FIRRM: variants seen among roughly 807,000 people sequenced by gnomAD.
FIRRM encodes the protein FIGNL1 interacting regulator of recombination and mitosis.
the FIRRM span, chr1:169,849,410 G>C: frequency 1.1e-6 from 1 of 916,554 alleles, no homozygotes; most frequent in Non-Finnish European, 1.7e-6. Context: ...ATGTTAACTT[G>C]ACAACACTGG....
chr1:169,839,396 AT>A, the FIRRM span, among the ~76,000 whole-genome samples: 11 of 152,264 alleles, frequency 7.2e-5, no homozygotes, highest in East Asian at 2.1e-3. Flanking sequence ...GTATATAAGC[AT>A]TTACTTTCTC....
the FIRRM span, among the ~76,000 whole-genome samples, chr1:169,786,256 C>A: frequency 6.6e-6 from 1 of 152,080 alleles, no homozygotes; most frequent in South Asian, 2.1e-4. Flanking sequence ...ATATTCAAAA[C>A]GTCTGACCAC....
the FIRRM span, chr1:169,842,429 T>C: frequency 1.2e-6 from 2 of 1,613,822 alleles, no homozygotes; most frequent in African/African-American, 2.7e-5. Context: ...CACAGTACTG[T>C]CTGCTTTGCT....
chr1:169,825,474 C>G, the FIRRM span, among the ~76,000 whole-genome samples: 1 of 152,134 alleles, frequency 6.6e-6, no homozygotes, highest in South Asian at 2.1e-4. Flanking sequence ...ATCACCCACT[C>G]GTGGAACAGT....
At chr1:169,802,779 A>C in the FIRRM span, 80 of 1,028,812 alleles carry the variant, frequency 7.8e-5, 1 homozygote, top group South Asian at 6.8e-4. Context: ...AGAATGTCAA[A>C]ATTTTTATAC....
chr1:169,842,569 C>CA, the FIRRM span: 4 of 1,596,042 alleles, frequency 2.5e-6, no homozygotes, highest in Non-Finnish European at 2.6e-6. Flanking sequence ...CTTTCCTTAT[C>CA]AAAAAATAGA....
chr1:169,834,550 C>T, the FIRRM span, among the ~76,000 whole-genome samples: 1 of 152,056 alleles, frequency 6.6e-6, no homozygotes, highest in South Asian at 2.1e-4. Context: ...GAGACTGTAA[C>T]AGGCCAGGCA....
the FIRRM span, among the ~76,000 whole-genome samples, chr1:169,789,948 A>G: frequency 6.6e-6 from 1 of 152,178 alleles, no homozygotes; most frequent in Admixed American, 6.5e-5. Flanking sequence ...TCTTCAAGGA[A>G]CTCTGCTAGG....
At chr1:169,834,841 A>T in the FIRRM span, among the ~76,000 whole-genome samples, 1 of 152,200 alleles carries the variant, frequency 6.6e-6, no homozygotes, top group Non-Finnish European at 1.5e-5. Context: ...ATCTAGTAGA[A>T]ATTATAAATT....
the FIRRM span, among the ~76,000 whole-genome samples, chr1:169,799,935 C>G: frequency 9.0e-3 from 1,367 of 152,298 alleles, 18 homozygotes; most frequent in African/African-American, 0.031. Context: ...TCATAGCTCA[C>G]TGCAGCCTGA....
chr1:169,789,863 G>A, the FIRRM span, among the ~76,000 whole-genome samples: 8 of 152,100 alleles, frequency 5.3e-5, no homozygotes, highest in African/African-American at 9.7e-5. Flanking sequence ...TAAATAGTAC[G>A]AATTATTAAA....
At chr1:169,828,523 C>T in the FIRRM span, among the ~76,000 whole-genome samples, 4 of 151,876 alleles carry the variant, frequency 2.6e-5, no homozygotes, top group African/African-American at 4.8e-5. Flanking sequence ...GTCTTCTTTA[C>T]GTACTTACAA....
chr1:169,790,625 G>C, the FIRRM span, among the ~76,000 whole-genome samples: 1 of 152,152 alleles, frequency 6.6e-6, no homozygotes, highest in African/African-American at 2.4e-5. Context: ...TGTCTCTGCT[G>C]TTCCTGAATG....
chr1:169,797,568 G>A, the FIRRM span, among the ~76,000 whole-genome samples: 4 of 151,968 alleles, frequency 2.6e-5, no homozygotes, highest in Non-Finnish European at 4.4e-5. Context: ...TTGTTTGTTT[G>A]TTTTGAGACG....
chr1:169,807,625 A>G, the FIRRM span, among the ~76,000 whole-genome samples: 10 of 152,242 alleles, frequency 6.6e-5, no homozygotes, highest in Non-Finnish European at 1.3e-4. Flanking sequence ...TTAAACAAAT[A>G]TAACTGCTTC....
chr1:169,821,691 T>A, the FIRRM span: 1 of 1,611,062 alleles, frequency 6.2e-7, no homozygotes, highest in South Asian at 1.1e-5. Flanking sequence ...TAATGCTGAC[T>A]ACAGATTATT....
the FIRRM span, among the ~76,000 whole-genome samples, chr1:169,826,700 C>G: frequency 6.6e-6 from 1 of 152,108 alleles, no homozygotes; most frequent in Non-Finnish European, 1.5e-5. Context: ...TAGAATTTAT[C>G]AGACATAGTC....
the FIRRM span, chr1:169,852,455 T>G: frequency 6.8e-6 from 2 of 295,360 alleles, no homozygotes; most frequent in Non-Finnish European, 1.3e-5. Context: ...TTAGTCAAAC[T>G]CTCATAAAAA....
chr1:169,795,163 C>G, the FIRRM span: 2 of 1,536,068 alleles, frequency 1.3e-6, no homozygotes, highest in Non-Finnish European at 1.7e-6. Flanking sequence ...AAGTAGCTGG[C>G]CAGAGGAGCT....
Sources: allele counts gnomAD v4.1 joint callset (sites outside exome capture counted in the v4.1 genomes callset), GRCh38; gene constraint gnomAD v4.1.1; transcripts MANE v1.5; gene names NCBI Gene and HGNC (gene_info 2026-07-23, HGNC 2026-07-21).